Variants in NLRP3 observed in about 807,000 individuals in gnomAD.
NLRP3 encodes the protein NLR family pyrin domain containing 3, also known as NACHT, LRR and PYD domains-containing protein 3.
NLRP3 carries 48 observed loss-of-function variants against 91.3 expected under a neutral mutation model. The ratio of observed to expected loss-of-function variants is 0.53; its 90% CI spans 0.42 to 0.67. NLRP3 has a LOEUF of 0.67. Among genes scored for constraint, NLRP3 ranks in the 30% least tolerant of loss-of-function variants. NLRP3 has a pLI of 0.00. For missense variants in NLRP3, 982 were observed against 1,276.9 expected, an observed-to-expected ratio of 0.77 and a Z score of 3.52; for synonymous variants, 561 against 507.9, an observed-to-expected ratio of 1.10 and a Z score of -1.41.
Position 247,444,048 on chromosome 1 carries a change from C to T in NLRP3, c.2740C>T (p.His914Tyr). ...ACTCAGCACTAATCAGAATCTCACGCACCTTTACCTGCGAGGCAACACTCT... is the reference window on the plus strand; with the variant it reads ...ACTCAGCACTAATCAGAATCTCACGTACCTTTACCTGCGAGGCAACACTCT... ...SVLSTNQNLTHLYLRGNTLGD... is the reference protein window; with the variant it reads ...SVLSTNQNLTYLYLRGNTLGD... The change falls in exon 8 of 10, where the codon CAC becomes TAC. Residue 914 changes from histidine to tyrosine, a missense_variant. Around this residue, in one of 5 missense-constraint regions of NLRP3, gnomAD observed 373 missense variants for 431.5 expected, o/e 0.86. Coordinates refer to ENST00000336119, the MANE Select transcript of NLRP3 (RefSeq NM_001243133.2). 1 of 1,614,190 alleles carries T rather than the reference C, an allele frequency of 6.2e-7. No individual in the cohort carries two copies. The highest frequency in any genetic ancestry group is 8.5e-7 in the Non-Finnish European group (1 of 1,180,036).
At chr1:247,441,141 TTCTTTCTC>T (rs1375588786) in intron 7 of NLRP3, among the ~76,000 whole-genome samples, 9 of 102,590 alleles carry the variant, frequency 8.8e-5, no homozygotes, top group African/African-American at 2.2e-4. Flanking sequence ...CTTTCTTTCT[TTCTTTCTC>T]TCTCTCTCTC....
rs1232636611 is a variant in NLRP3 at position 247,423,354 on chromosome 1, G to A, written c.397+5G>A. ...CTATTTGTAAAATGAAGAAAGGTAA[G>A]CGACTGGGGTGGTGCTTCTAGTTGA... On this transcript the variant is annotated splice_donor_5th_base_variant and intron_variant, in intron 3 of 9. Transcript: ENST00000336119. 1 of 1,613,906 alleles carries A rather than the reference G, an allele frequency of 6.2e-7. No homozygotes were observed. Among genetic ancestry groups the A allele is most frequent in the Non-Finnish European group, 8.5e-7 (1 of 1,179,918 alleles).
Position 247,436,089 on chromosome 1 carries a change from C to T in NLRP3, c.2612C>T (p.Ala871Val). ...GENALGDSGV[A>V]ILCEKAKNPQ... The stretch of plus-strand genomic sequence containing the variant: ...AATGCCTTGGGAGACTCAGGAGTCG[C>T]AATTTTATGTGAAAAAGCCAAGAAT... The change falls in exon 7 of 10, where the codon GCA becomes GTA. Residue 871 changes from alanine (A) to valine (V), a missense_variant. Physicochemically the swap from Ala to Val is moderately conservative, Grantham distance 64 (BLOSUM62 0). This residue lies in a region of NLRP3 where 373 missense variants were observed against 431.5 expected (regional missense o/e 0.86). Transcript: ENST00000336119. The T allele has an allele frequency of 2.5e-6, 4 of 1,614,092 alleles. No individual in the cohort carries two copies. The South Asian group carries it at 4.4e-5, about 18-fold the overall frequency.
rs1396973809 is a variant in NLRP3, at chr1:247,418,796, T to G, written c.-5T>G. On this transcript the variant is annotated 5_prime_UTR_variant, in exon 2 of 10. The change abolishes an upstream ATG in the 5' untranslated region. Transcript: ENST00000336119. ...TAAGGACCCTGAAAACAGCTGCAGA[T>G]GAAGATGGCAAGCACCCGCTGCAAG... 2 of 1,613,640 alleles carry G rather than the reference T, an allele frequency of 1.2e-6. No individual in the cohort carries two copies. Among genetic ancestry groups the G allele is most frequent in the South Asian group, 1.1e-5 (1 of 91,038 alleles).
Position 247,429,620 on chromosome 1 carries a change from G to A in NLRP3, c.2186G>A (p.Arg729Gln), listed in dbSNP as rs1005499495. 5.0e-6 allele frequency: 8 copies of A among 1,613,982 alleles called. No homozygotes were observed. The highest frequency in any genetic ancestry group is 1.7e-5 in the Admixed American group (1 of 59,992). The change falls in exon 5 of 10, where the codon CGG becomes CAG. Residue 729 changes from arginine to glutamine, a missense_variant. Arg to Gln is a conservative substitution (Grantham distance 43, BLOSUM62 1). Coordinates refer to ENST00000336119, the MANE Select transcript of NLRP3 (RefSeq NM_001243133.2). ...AGCCACCTCACTTCCAGTTTTTGCC[G>A]GGGCCTCTTTTCAGTTCTGAGCACC... ...VNSHLTSSFCRGLFSVLSTSQ... is the reference protein window; with the variant it reads ...VNSHLTSSFCQGLFSVLSTSQ...
rs764885436 is a variant in NLRP3, at chr1:247,423,320, C to T, written c.368C>T (p.Ser123Leu). ...TGGATGGGTTTACTGGAGTACCTTT[C>T]GAGAATCTCTATTTGTAAAATGAAG... is the stretch of plus-strand genomic sequence containing the variant. ...EEWMGLLEYL[S>L]RISICKMKKD... The change falls in exon 3 of 10, where the codon TCG becomes TTG. Residue 123 changes from serine (S) to leucine (L), a missense_variant. Ser to Leu is a moderately radical substitution (Grantham distance 145, BLOSUM62 -2). Coordinates refer to ENST00000336119, the MANE Select transcript of NLRP3 (RefSeq NM_001243133.2). 1.1e-5 allele frequency: 17 copies of T among 1,613,566 alleles called. No homozygotes were observed. The highest frequency in any genetic ancestry group is 3.3e-5 in the South Asian group (3 of 91,054).
chr1:247,418,684 A>T lies in NLRP3; in HGVS notation c.-117A>T. The stretch of plus-strand genomic sequence containing the variant: ...TCTTTCTGTTTGCTGAGTTTTTGAT[A>T]ATTTATATCTCTCAAAGTGGAGACT... On this transcript the variant is annotated 5_prime_UTR_variant, in exon 2 of 10. Transcript: ENST00000336119. 1 of 1,250,558 alleles carries T rather than the reference A, an allele frequency of 8.0e-7. No homozygotes were observed. The highest frequency in any genetic ancestry group is 1.1e-6 in the Non-Finnish European group (1 of 876,154). The allele number at this position is 1,250,558 out of a possible 1,614,324, so 77.5% of individuals were successfully genotyped here. A position where few individuals can be genotyped will look rare whatever the true frequency, so the allele number is the denominator to read the frequency against.
At chr1:247,417,903 C>T (rs1662169576) in intron 1 of NLRP3, 150 bp from the exon 2 acceptor site, 1 of 152,456 alleles carries the variant, frequency 6.6e-6, no homozygotes, top group South Asian at 2.1e-4. Context: ...CTAGCCACGT[C>T]CTGTTCTGTT....
intron 7 of NLRP3, among the ~76,000 whole-genome samples, chr1:247,436,703 C>T (rs892031344): frequency 2.0e-5 from 3 of 152,198 alleles, no homozygotes; most frequent in Non-Finnish European, 4.4e-5. Context: ...GATGTTTTAC[C>T]TCCTGTTGCA....
At chr1:247,441,137 T>TTCTCTCTCTCTC (rs1664200754) in intron 7 of NLRP3, among the ~76,000 whole-genome samples, 1 of 23,838 alleles carries the variant, frequency 4.2e-5, no homozygotes, top group Non-Finnish European at 1.1e-4. Flanking sequence ...TTCTCTTTCT[T>TTCTCTCTCTCTC]TCTTTCTTTC....
At chr1:247,422,916 C>T (rs971220108) in intron 2 of NLRP3, among the ~76,000 whole-genome samples, 10 of 152,154 alleles carry the variant, frequency 6.6e-5, no homozygotes, top group South Asian at 2.1e-4. Flanking sequence ...CAAAAGCAAA[C>T]GAGGGTAAAA....
Position 247,443,992 on chromosome 1 carries a change from C to A in NLRP3, c.2684C>A (p.Thr895Lys). ...QKLGLVNSGLTSVCCSALSSV... is the reference protein window; with the variant it reads ...QKLGLVNSGLKSVCCSALSSV... ...TACAGGTTGGTGAATTCTGGCCTTACGTCAGTCTGTTGTTCAGCTTTGTCC... is the reference window on the plus strand; with the variant it reads ...TACAGGTTGGTGAATTCTGGCCTTAAGTCAGTCTGTTGTTCAGCTTTGTCC... Residue 895 changes from threonine (T) to lysine (K), a missense_variant, in exon 8 of 10, where the codon ACG (threonine) becomes AAG (lysine). Coordinates refer to ENST00000336119, the MANE Select transcript of NLRP3 (RefSeq NM_001243133.2). 2 of 1,614,090 alleles carry A rather than the reference C, an allele frequency of 1.2e-6. No homozygotes were observed. The highest frequency in any genetic ancestry group is 2.2e-5 in the South Asian group (2 of 91,058).
chr1:247,433,920 CGG>C (rs1558200443), intron 5 of NLRP3, among the ~76,000 whole-genome samples, 181 bp from the exon 6 acceptor site: 936 of 116,058 alleles, frequency 8.1e-3, no homozygotes, highest in African/African-American at 0.028. Context: ...TTCTCTATTC[CGG>C]AGCTCTCTGG....
Position 247,424,813 on chromosome 1 carries a change from G to A in NLRP3, c.1364G>A (p.Ser455Asn). The A allele has an allele frequency of 1.2e-6, 2 of 1,608,670 alleles. No homozygotes were observed. Among genetic ancestry groups the A allele is most frequent in the Non-Finnish European group, 1.7e-6 (2 of 1,179,996 alleles). The change falls in exon 4 of 10, where the codon AGC becomes AAC. Residue 455 changes from serine (S) to asparagine (N), a missense_variant. By Grantham distance (46) the Ser-to-Asn change is conservative. Coordinates refer to ENST00000336119, the MANE Select transcript of NLRP3 (RefSeq NM_001243133.2). This position sits in a 1 kb window ranked among gnomAD's most constrained non-coding sequence, Gnocchi z 8.1. ...AGTTTGCTGCAGCCCCGGGGAGGGA[G>A]CCAGGAGCACGGCCTCTGCGCCCAC... Reference protein sequence around the residue: ...LSSLLQPRGGSQEHGLCAHLW... With the variant: ...LSSLLQPRGGNQEHGLCAHLW...
At chr1:247,431,907 CT>C (rs1002461254) in intron 5 of NLRP3, among the ~76,000 whole-genome samples, 11 of 151,342 alleles carry the variant, frequency 7.3e-5, no homozygotes, top group East Asian at 1.9e-4. Context: ...GTAACTACCC[CT>C]TTTTTTTTGA....
chr1:247,447,129 CTG>C, intron 9 of NLRP3, among the ~76,000 whole-genome samples: 1 of 152,344 alleles, frequency 6.6e-6, no homozygotes, highest in South Asian at 2.1e-4. Context: ...CTGCTTTAGA[CTG>C]TGTGACTCAA....
At chr1:247,422,760 A>G (rs1424356531) in intron 2 of NLRP3, among the ~76,000 whole-genome samples, 1 of 152,206 alleles carries the variant, frequency 6.6e-6, no homozygotes, top group African/African-American at 2.4e-5. Context: ...GAAGAACCAG[A>G]CATCTAGACT....
At chr1:247,444,179 T>G (rs1664438506) in intron 8 of NLRP3, 37 bp downstream of exon 8, 2 of 1,611,032 alleles carry the variant, frequency 1.2e-6, no homozygotes, top group Non-Finnish European at 1.7e-6. Context: ...TGAGAACACA[T>G]GGTGGCCAAG....
intron 7 of NLRP3, 37 bp downstream of exon 7, chr1:247,436,177 T>A (rs1176388193): frequency 6.2e-7 from 1 of 1,600,552 alleles, no homozygotes; most frequent in Non-Finnish European, 8.6e-7. Flanking sequence ...AAAAGTAACT[T>A]CTTTTCAGAG....
Sources: gnomAD v4.1 joint callset for allele counts (sites outside exome capture counted in the v4.1 genomes callset) on GRCh38, gnomAD v4.1.1 for gene constraint, gnomAD v4.1.1 regional missense constraint, Gnocchi (gnomAD v3.1) non-coding constraint, MANE v1.5 for transcripts, NCBI Gene and HGNC (gene_info 2026-07-23, HGNC 2026-07-21) for gene names.